The following GRM7 variants were observed in gnomAD, a reference collection of about 807,000 sequenced individuals.
GRM7 encodes metabotropic glutamate receptor 7.
Under a neutral mutation model 84.5 loss-of-function variants are expected in GRM7, and 35 were observed. That is an observed-to-expected ratio of 0.41 (90% CI 0.32 to 0.55). The LOEUF is 0.55. Among genes scored for constraint, GRM7 ranks in the 20% least tolerant of loss-of-function variants. The pLI is 0.19. For missense variants in GRM7, 1,003 were observed against 1,194.6 expected (o/e 0.84, Z 2.36); for synonymous variants, 487 against 455.1 (o/e 1.07, Z -0.89).
intron 2 of GRM7, among the ~76,000 whole-genome samples, chr3:7,266,618 A>G (rs1468914496): frequency 6.6e-6 from 1 of 152,170 alleles, no homozygotes; most frequent in Non-Finnish European, 1.5e-5. Flanking sequence ...TTAACCAAAC[A>G]AAATGTTTTC....
At chr3:7,639,845 A>G (rs1698281589) in intron 8 of GRM7, among the ~76,000 whole-genome samples, 1 of 152,110 alleles carries the variant, frequency 6.6e-6, no homozygotes, top group African/African-American at 2.4e-5. Flanking sequence ...AAAGTTTTTT[A>G]TGTCCCTTTC....
chr3:7,630,097 A>T (rs1318470879), intron 8 of GRM7, among the ~76,000 whole-genome samples: 2 of 152,220 alleles, frequency 1.3e-5, no homozygotes, highest in African/African-American at 4.8e-5. Context: ...TGAGGCTCTC[A>T]GCCATACATA....
intron 1 of GRM7, among the ~76,000 whole-genome samples, chr3:6,940,053 A>C (rs1338636667): frequency 6.6e-6 from 1 of 152,146 alleles, no homozygotes; most frequent in Non-Finnish European, 1.5e-5. Context: ...GAAATATTTA[A>C]TTTACATAGC....
At chr3:7,628,078 C>A (rs565656886) in intron 8 of GRM7, among the ~76,000 whole-genome samples, 1 of 152,206 alleles carries the variant, frequency 6.6e-6, no homozygotes, top group African/African-American at 2.4e-5. Flanking sequence ...AATAATTTAC[C>A]ATTTACTTTG....
At chr3:7,555,715 G>A (rs1368973536) in intron 7 of GRM7, among the ~76,000 whole-genome samples, 1 of 152,132 alleles carries the variant, frequency 6.6e-6, no homozygotes. Context: ...CAGTTAAGGA[G>A]TAACTCATAA....
chr3:7,505,063 C>T (rs1029519951), intron 7 of GRM7, among the ~76,000 whole-genome samples: 1 of 152,156 alleles, frequency 6.6e-6, no homozygotes, highest in Non-Finnish European at 1.5e-5. Context: ...TAAACATTCA[C>T]ATTCCAGGAG....
chr3:7,573,397 T>G (rs557120698), intron 7 of GRM7, among the ~76,000 whole-genome samples: 1 of 152,194 alleles, frequency 6.6e-6, no homozygotes, highest in African/African-American at 2.4e-5. Context: ...AAATGGAATT[T>G]CACCAAGAAA....
chr3:7,044,003 A>G (rs1696717628), intron 1 of GRM7, among the ~76,000 whole-genome samples: 1 of 152,158 alleles, frequency 6.6e-6, no homozygotes. Context: ...TTGTATGTTG[A>G]TTAATTATCA....
chr3:6,866,834 G>T (rs571564601), intron 1 of GRM7, among the ~76,000 whole-genome samples: 1 of 152,322 alleles, frequency 6.6e-6, no homozygotes, highest in South Asian at 2.1e-4. Context: ...CAGGTGATTG[G>T]TTCCTTTGTA....
chr3:7,559,398 G>A (rs1693912823), intron 7 of GRM7: 1 of 152,012 alleles, frequency 6.6e-6, no homozygotes, highest in Admixed American at 6.6e-5. Flanking sequence ...TGCCTCTAGG[G>A]TGGCCAGAAG....
intron 1 of GRM7, among the ~76,000 whole-genome samples, chr3:6,981,747 A>G (rs980315232): frequency 1.3e-5 from 2 of 152,058 alleles, no homozygotes; most frequent in Non-Finnish European, 2.9e-5. Context: ...ATAATGAGAT[A>G]CCCTCTTATA....
chr3:7,359,633 C>G (rs1359495321), intron 4 of GRM7, among the ~76,000 whole-genome samples: 2 of 148,226 alleles, frequency 1.3e-5, no homozygotes, highest in African/African-American at 2.6e-5. Flanking sequence ...GCCACCATGC[C>G]AGGTCAATCC....
intron 1 of GRM7, among the ~76,000 whole-genome samples, chr3:7,116,743 T>G (rs1403921824): frequency 6.6e-6 from 1 of 152,170 alleles, no homozygotes; most frequent in Non-Finnish European, 1.5e-5. Flanking sequence ...ATTTTATTTC[T>G]TCCTTTAAAA....
intron 1 of GRM7, among the ~76,000 whole-genome samples, chr3:7,118,569 G>A (rs1693118437): frequency 6.7e-6 from 1 of 149,844 alleles, no homozygotes; most frequent in African/African-American, 2.5e-5. Context: ...CATTATATGT[G>A]GTTAATTTGA....
intron 9 of GRM7, chr3:7,686,317 AT>A (rs1700582667): frequency 1.2e-6 from 1 of 833,404 alleles, no homozygotes; most frequent in Non-Finnish European, 2.1e-6. Context: ...TTGTGTGCAC[AT>A]TTATTTTATA....
chr3:6,946,126 T>A (rs892662600), intron 1 of GRM7, among the ~76,000 whole-genome samples: 1 of 152,252 alleles, frequency 6.6e-6, no homozygotes, highest in African/African-American at 2.4e-5. Flanking sequence ...AGACATGAAG[T>A]ACTTGCCCAT....
intron 1 of GRM7, among the ~76,000 whole-genome samples, chr3:7,008,177 A>G (rs1208408370): frequency 6.6e-6 from 1 of 152,080 alleles, no homozygotes. Flanking sequence ...GTCACCTAAA[A>G]TGGATGAATT....
intron 5 of GRM7, among the ~76,000 whole-genome samples, chr3:7,447,135 G>T (rs766558171): frequency 2.6e-5 from 4 of 152,152 alleles, no homozygotes; most frequent in Non-Finnish European, 4.4e-5. Flanking sequence ...TAATGCTTCA[G>T]AGTTCTCATT....
At chr3:7,604,998 A>G (rs893977330) in intron 8 of GRM7, among the ~76,000 whole-genome samples, 93 of 152,346 alleles carry the variant, frequency 6.1e-4, no homozygotes, top group African/African-American at 1.9e-3. Context: ...AAATAATGCA[A>G]TAAAATCTCT....
Sources: allele counts gnomAD v4.1 joint callset (sites outside exome capture counted in the v4.1 genomes callset), GRCh38; gene constraint gnomAD v4.1.1; transcripts MANE v1.5; gene names NCBI Gene and HGNC (gene_info 2026-07-23, HGNC 2026-07-21).